Variants in CCDC88C observed in about 807,000 individuals in gnomAD.
CCDC88C encodes the protein protein Daple.
Under a neutral mutation model 198.8 loss-of-function variants are expected in CCDC88C, and 131 were observed. That is an observed-to-expected ratio of 0.66 (90% confidence interval 0.57 to 0.76). The LOEUF is 0.76. Among genes scored for constraint, CCDC88C ranks in the 30% least tolerant of loss-of-function variants. The pLI, the probability that CCDC88C is intolerant of heterozygous loss-of-function variation, is 0.00. For missense variants in CCDC88C, 2,553 were observed against 2,631.6 expected (o/e 0.97, Z 0.65); for synonymous variants, 1,166 against 1,114.7 (o/e 1.05, Z -0.92).
intron 3 of CCDC88C, among the ~76,000 whole-genome samples, chr14:91,361,782 A>T (rs930711610): frequency 1.3e-5 from 2 of 152,204 alleles, no homozygotes; most frequent in Non-Finnish European, 2.9e-5. Context: ...TCTTAAATGC[A>T]TGAGTTTGCC....
intron 23 of CCDC88C, among the ~76,000 whole-genome samples, chr14:91,293,307 C>T (rs1890771806): frequency 3.5e-5 from 5 of 142,258 alleles, no homozygotes; most frequent in African/African-American, 5.2e-5. Flanking sequence ...CCTGCCACGG[C>T]CCACCTTCCC....
rs1456964903 is a variant in CCDC88C at position 91,313,806 on chromosome 14, G to A, written c.2010C>T (p.Gly670=). The stretch of plus-strand genomic sequence containing the variant: ...TCAGAGTCCGGTTCTCCAGCTGCAG[G>A]CCCTGGCTCTCATGCTCCAGGGCCT... ...KVEALEHESQ[G]LQLENRTLRK... The change falls in exon 15 of 30, where the codon GGC becomes GGT. Residue 670 remains glycine (G), a synonymous_variant. Coordinates refer to ENST00000389857, the MANE Select transcript of CCDC88C (RefSeq NM_001080414.4). The surrounding 1 kb of genome is among the most constrained non-coding windows in gnomAD (Gnocchi z 5.2). 2 of 1,604,474 alleles carry A rather than the reference G, an allele frequency of 1.2e-6. No individual in the cohort carries two copies. Among genetic ancestry groups the A allele is most frequent in the South Asian group, 2.2e-5 (2 of 90,666 alleles).
At chr14:91,415,169 T>C (rs2140024477) in intron 2 of CCDC88C, among the ~76,000 whole-genome samples, 1 of 152,244 alleles carries the variant, frequency 6.6e-6, no homozygotes. Flanking sequence ...TGGAATCCAG[T>C]AATTTTCAGG....
intron 4 of CCDC88C, among the ~76,000 whole-genome samples, chr14:91,351,884 G>A (rs1435742874): frequency 1.3e-5 from 2 of 151,934 alleles, no homozygotes; most frequent in African/African-American, 4.8e-5. Flanking sequence ...TCAGCCCCTC[G>A]GAGCACCCTC....
chr14:91,285,583 GC>G, intron 25 of CCDC88C: 1 of 1,197,184 alleles, frequency 8.4e-7, no homozygotes, highest in East Asian at 5.8e-5. Context: ...CGGCCATCTG[GC>G]CTTTTAGACG....
Position 91,294,237 on chromosome 14 carries a change from G to C in CCDC88C, c.4048C>G (p.Gln1350Glu), listed in dbSNP as rs1043219105. Residue 1350 changes from glutamine (Q) to glutamate (E), a missense_variant, in exon 23 of 30, where the codon CAG becomes GAG. Physicochemically the swap from Gln to Glu is conservative, Grantham distance 29. Around this residue, in one of 2 missense-constraint regions of CCDC88C, gnomAD observed 1,293 missense variants for 1,219.6 expected, o/e 1.06. Coordinates refer to ENST00000389857, the MANE Select transcript of CCDC88C (RefSeq NM_001080414.4). ...TCCATGTTCTGCTCCAGAAGCATCT[G>C]GTTCTGCTGGCTCAACAGCTGGATC... ...SQIQLLSQQN[Q>E]MLLEQNMENK... 1.9e-6 allele frequency: 3 copies of C among 1,613,892 alleles called. No individual in the cohort carries two copies. The African/African-American group carries it at 4.0e-5, about 22-fold the overall frequency.
chr14:91,283,715 T>C, intron 25 of CCDC88C, 198 bp from the exon 26 acceptor site: 1 of 595,828 alleles, frequency 1.7e-6, no homozygotes, highest in South Asian at 2.0e-5. Flanking sequence ...CTTCAGGTGG[T>C]GTCAGAGGCC....
chr14:91,405,752 A>G (rs1886451739), intron 3 of CCDC88C, among the ~76,000 whole-genome samples: 1 of 152,220 alleles, frequency 6.6e-6, no homozygotes, highest in Non-Finnish European at 1.5e-5. Context: ...TATGACCTAT[A>G]TAACAAAAAC....
At chr14:91,394,846 G>A (rs1221407987) in intron 3 of CCDC88C, among the ~76,000 whole-genome samples, 1 of 152,196 alleles carries the variant, frequency 6.6e-6, no homozygotes, top group Non-Finnish European at 1.5e-5. Context: ...ATGAATCAGA[G>A]CGCATTACTC....
chr14:91,272,685 C>T lies in CCDC88C; in HGVS notation c.6027G>A (p.Pro2009=), dbSNP rs200979954. Residue 2009 remains proline (P), a synonymous_variant, in exon 30 of 30, where the codon CCG becomes CCA. Coordinates refer to ENST00000389857, the MANE Select transcript of CCDC88C (RefSeq NM_001080414.4). ...CSRGSVSKSS[P]ASPEPGGDPQ... Reference sequence around the variant, plus strand: ...GATCCCCGCCGGGCTCCGGGGAGGCCGGACTGCTCTTTGAGACGCTCCCTC... The same window carrying T: ...GATCCCCGCCGGGCTCCGGGGAGGCTGGACTGCTCTTTGAGACGCTCCCTC... The T allele has an allele frequency of 2.3e-3, 3,727 of 1,611,708 alleles. 6 individuals are homozygous for T. Among genetic ancestry groups the T allele is most frequent in the South Asian group, 3.3e-3 (299 of 91,030 alleles).
At chr14:91,286,992 G>A (rs902486674) in intron 25 of CCDC88C, among the ~76,000 whole-genome samples, 44 of 152,322 alleles carry the variant, frequency 2.9e-4, no homozygotes, top group African/African-American at 1.0e-3. Context: ...GAGCACCCAA[G>A]ACATGGTGGC....
At chr14:91,292,446 G>A (rs1486680875) in intron 23 of CCDC88C, among the ~76,000 whole-genome samples, 2 of 152,162 alleles carry the variant, frequency 1.3e-5, no homozygotes, top group Non-Finnish European at 1.5e-5. Flanking sequence ...TTATCACCGG[G>A]ATTATAGAGG....
intron 12 of CCDC88C, among the ~76,000 whole-genome samples, chr14:91,324,059 T>C (rs1249367349): frequency 2.0e-5 from 3 of 152,038 alleles, no homozygotes; most frequent in African/African-American, 7.3e-5. Flanking sequence ...TAAGTAACTA[T>C]GAACTTGCAC....
chr14:91,319,446 G>T (rs1009888091), intron 13 of CCDC88C, among the ~76,000 whole-genome samples: 2 of 152,176 alleles, frequency 1.3e-5, no homozygotes, highest in Non-Finnish European at 2.9e-5. Context: ...TAAACCCAGG[G>T]GAGGGAGAAA....
Position 91,315,699 on chromosome 14 carries a change from T to C in CCDC88C, c.1616A>G (p.Glu539Gly). The C allele has an allele frequency of 1.2e-6, 2 of 1,613,876 alleles. No homozygotes were observed. Among genetic ancestry groups the C allele is most frequent in the Non-Finnish European group, 1.7e-6 (2 of 1,179,872 alleles). Residue 539 changes from glutamate (E) to glycine (G), a missense_variant, in exon 14 of 30, where the codon GAG becomes GGG. Physicochemically the swap from Glu to Gly is moderately conservative, Grantham distance 98. Coordinates refer to ENST00000389857, the MANE Select transcript of CCDC88C (RefSeq NM_001080414.4). The part of the protein sequence containing the change: ...TLSEELIREK[E>G]QLQSDMETLK... The stretch of plus-strand genomic sequence containing the variant: ...GGTCTCCATGTCACTCTGCAGCTGC[T>C]CCTTCTCTCTGATCAGCTCCTCACT...
chr14:91,398,898 C>T (rs1041969595), intron 3 of CCDC88C, among the ~76,000 whole-genome samples: 4 of 152,156 alleles, frequency 2.6e-5, no homozygotes, highest in Admixed American at 2.0e-4. Flanking sequence ...TCGGCCCAGA[C>T]GGCTGTTCCT....
In CCDC88C at chr14:91,380,777, G is replaced by A. The variant is rs188760039; in HGVS notation, c.271-21066C>T. Among the ~76,000 whole-genome samples the A allele has an allele frequency of 3.6e-3, 550 of 152,210 alleles. 6 individuals carry two copies. The highest frequency in any genetic ancestry group is 0.013 in the African/African-American group (530 of 41,510). On this transcript the variant is annotated intron_variant, in intron 3 of 29. Transcript: ENST00000389857. The stretch of plus-strand genomic sequence containing the variant: ...GAAGTAGGAGACAGAGGGAAGGGGC[G>A]GGGGAGACCATGGAGAGAGAACTGT...
At position 91,313,843 on chromosome 14, in the gene CCDC88C, G is replaced by A; in HGVS notation, c.1973C>T (p.Thr658Ile). 1.9e-6 allele frequency: 3 copies of A among 1,603,896 alleles called. No individual in the cohort carries two copies. Among genetic ancestry groups the A allele is most frequent in the Non-Finnish European group, 2.5e-6 (3 of 1,176,650 alleles). ...ATGCTCCAGGGCCTCGACTTTCTCGGTGGCTGTCTCCAGGGAGGTCACCTT... is the reference window on the plus strand; with the variant it reads ...ATGCTCCAGGGCCTCGACTTTCTCGATGGCTGTCTCCAGGGAGGTCACCTT... ...ARKVTSLETA[T>I]EKVEALEHES... The change falls in exon 15 of 30, where the codon ACC (threonine) becomes ATC (isoleucine). Residue 658 changes from threonine to isoleucine, a missense_variant. Thr to Ile is a moderately conservative substitution (Grantham distance 89). Transcript: ENST00000389857. This position sits in a 1 kb window ranked among gnomAD's most constrained non-coding sequence, Gnocchi z 5.2.
At position 91,381,774 on chromosome 14, in the gene CCDC88C, C is replaced by T. The variant is rs556249871; in HGVS notation, c.271-22063G>A. 2.6e-5 allele frequency among the ~76,000 whole-genome samples: 4 copies of T among 152,126 alleles called. No homozygotes were observed. The highest frequency in any genetic ancestry group is 1.9e-4 in the East Asian group (1 of 5,198). ...GCTTGAACCCAGGAGGCAGAGGTTG[C>T]GGTGAGCCAAGATCGTGCCAGCCAG... On this transcript the variant is annotated intron_variant, in intron 3 of 29. Coordinates refer to ENST00000389857, the MANE Select transcript of CCDC88C (RefSeq NM_001080414.4). The surrounding 1 kb of genome is among the most constrained non-coding windows in gnomAD (Gnocchi z 4.2).
Sources: gnomAD v4.1 joint callset for allele counts (sites outside exome capture counted in the v4.1 genomes callset) on GRCh38, gnomAD v4.1.1 for gene constraint, gnomAD v4.1.1 regional missense constraint, Gnocchi (gnomAD v3.1) non-coding constraint, MANE v1.5 for transcripts, NCBI Gene and HGNC (gene_info 2026-07-23, HGNC 2026-07-21) for gene names.